PRKN: variants seen among roughly 807,000 people sequenced by gnomAD.
PRKN encodes parkin RBR E3 ubiquitin protein ligase.
In PRKN, 56 loss-of-function variants were observed where a neutral mutation model predicts 59.5. That is an observed-to-expected ratio of 0.94 (90% confidence interval 0.76 to 1.18). The LOEUF (loss-of-function observed/expected upper bound fraction) is 1.18, where lower values mean the gene tolerates loss of function less well. PRKN is among the 50% of genes most tolerant of loss of function. The pLI is 0.00. For missense variants in PRKN, 657 were observed against 596.4 expected, an observed-to-expected ratio of 1.10 and a Z score of -1.06; for synonymous variants, 250 against 222.1, an observed-to-expected ratio of 1.13 and a Z score of -1.12.
At chr6:162,439,544 T>G (rs927370470) in intron 2 of PRKN, among the ~76,000 whole-genome samples, 3 of 152,148 alleles carry the variant, frequency 2.0e-5, no homozygotes, top group African/African-American at 7.2e-5. Flanking sequence ...CTGTCCACAT[T>G]CTTCTCACTA....
chr6:162,285,266 AT>A (rs11392809), intron 2 of PRKN, among the ~76,000 whole-genome samples: 9,863 of 95,768 alleles, frequency 0.1, 589 homozygotes, highest in East Asian at 0.47. Context: ...TATTTTGGAG[AT>A]TTTTTTTTTT....
At chr6:162,262,361 C>T (rs1054951657) in intron 3 of PRKN, 164 bp downstream of exon 3, 12 of 819,442 alleles carry the variant, frequency 1.5e-5, no homozygotes, top group African/African-American at 8.3e-5. Context: ...TCAAATGTTA[C>T]ATCAAAGTAC....
intron 1 of PRKN, among the ~76,000 whole-genome samples, chr6:162,518,146 C>T (rs1001934885): frequency 1.3e-5 from 2 of 152,152 alleles, no homozygotes; most frequent in African/African-American, 4.8e-5. Context: ...ATTTATGGAA[C>T]ACTCACATGG....
At chr6:162,531,871 C>T (rs1342183700) in intron 1 of PRKN, among the ~76,000 whole-genome samples, 1 of 147,866 alleles carries the variant, frequency 6.8e-6, no homozygotes, top group Non-Finnish European at 1.5e-5. Context: ...ACCCAGGAGG[C>T]AGAGGCTGCA....
At chr6:162,227,748 AC>A (rs1409378840) in intron 3 of PRKN, among the ~76,000 whole-genome samples, 1 of 152,150 alleles carries the variant, frequency 6.6e-6, no homozygotes, top group Non-Finnish European at 1.5e-5. Flanking sequence ...TGACATAAAA[AC>A]AAAAGTGAAG....
chr6:161,587,579 T>G (rs949384010), intron 7 of PRKN, among the ~76,000 whole-genome samples: 7 of 152,192 alleles, frequency 4.6e-5, no homozygotes, highest in Non-Finnish European at 1.0e-4. Flanking sequence ...TGAAATAAGT[T>G]TGATCATTCT....
intron 9 of PRKN, among the ~76,000 whole-genome samples, chr6:161,510,091 C>T (rs1185273820): frequency 6.6e-6 from 1 of 152,090 alleles, no homozygotes; most frequent in Non-Finnish European, 1.5e-5. Context: ...TTTCTGAAGA[C>T]ATATGCATCG....
Position 161,547,037 on chromosome 6 carries a change from C to T in PRKN, c.1083+1817G>A, listed in dbSNP as rs1049507263. On this transcript the variant is annotated intron_variant, in intron 9 of 11. Coordinates refer to ENST00000366898, the MANE Select transcript of PRKN (RefSeq NM_004562.3). This position sits in a 1 kb window ranked among gnomAD's most constrained non-coding sequence, Gnocchi z 4.0. ...CTGCAAACTCAGGAGGAACCCTGAG[C>T]CAGAACTACCCAGCAAAGCCACTCA... Among the ~76,000 whole-genome samples the T allele has an allele frequency of 6.6e-6, 1 of 152,108 alleles. No homozygotes were observed. The highest frequency in any genetic ancestry group is 6.5e-5 in the Admixed American group (1 of 15,274).
intron 6 of PRKN, among the ~76,000 whole-genome samples, chr6:161,803,234 T>C (rs1296346682): frequency 6.6e-6 from 1 of 152,214 alleles, no homozygotes; most frequent in Admixed American, 6.5e-5. Context: ...TCTTTGGGTC[T>C]TCATTTCCTA....
At chr6:161,750,947 T>C (rs1004393874) in intron 7 of PRKN, among the ~76,000 whole-genome samples, 3 of 152,036 alleles carry the variant, frequency 2.0e-5, no homozygotes, top group Non-Finnish European at 4.4e-5. Flanking sequence ...GAAATAGCAA[T>C]GTGGAATAGA....
intron 2 of PRKN, among the ~76,000 whole-genome samples, chr6:162,311,954 C>T (rs1009818454): frequency 2.0e-5 from 3 of 152,070 alleles, no homozygotes; most frequent in Non-Finnish European, 2.9e-5. Context: ...CAACAAAGCA[C>T]ATAACCAAGA....
chr6:162,008,777 A>G (rs1329291664), intron 5 of PRKN, among the ~76,000 whole-genome samples: 1 of 152,188 alleles, frequency 6.6e-6, no homozygotes, highest in Non-Finnish European at 1.5e-5. Flanking sequence ...TGGCATTAGA[A>G]TAGGAATATT....
At chr6:162,644,910 C>G (rs1778106319) in intron 1 of PRKN, among the ~76,000 whole-genome samples, 2 of 152,082 alleles carry the variant, frequency 1.3e-5, no homozygotes, top group African/African-American at 4.8e-5. Flanking sequence ...AAAAAACAGT[C>G]AAGTTATTTT....
At position 161,396,437 on chromosome 6, in the gene PRKN, C is replaced by A. The variant is rs1033681493; in HGVS notation, c.1084-9560G>T. On this transcript the variant is annotated intron_variant, in intron 9 of 11. Coordinates refer to ENST00000366898, the MANE Select transcript of PRKN (RefSeq NM_004562.3). The surrounding 1 kb of genome is among the most constrained non-coding windows in gnomAD (Gnocchi z 5.4). ...TGAGCATTTCTCAGACCTTATGGAGCAGTTGGCTCCTTCTAGAACTGGAGC... is the reference window on the plus strand; with the variant it reads ...TGAGCATTTCTCAGACCTTATGGAGAAGTTGGCTCCTTCTAGAACTGGAGC... Among the ~76,000 whole-genome samples the A allele has an allele frequency of 3.3e-5, 5 of 152,182 alleles. No homozygotes were observed. Among genetic ancestry groups the A allele is most frequent in the Admixed American group, 6.5e-5 (1 of 15,278 alleles).
rs1411546032 is a variant in PRKN, at chr6:161,350,114, G to A, written c.1383C>T (p.His461=). The A allele has an allele frequency of 6.2e-7, 1 of 1,613,062 alleles. No individual in the cohort carries two copies. The highest frequency in any genetic ancestry group is 8.5e-7 in the Non-Finnish European group (1 of 1,179,434). ...CEWNRVCMGD[H]WFDV is the part of the protein sequence containing the mutation. Reference sequence around the variant, plus strand: ...GCCGCCCTGGCTACACGTCGAACCAGTGGTCCCCCATGCAGACGCGGTTCC... The same window carrying A: ...GCCGCCCTGGCTACACGTCGAACCAATGGTCCCCCATGCAGACGCGGTTCC... Residue 461 remains histidine (H), a synonymous_variant, in exon 12 of 12, where the codon CAC becomes CAT. Coordinates refer to ENST00000366898, the MANE Select transcript of PRKN (RefSeq NM_004562.3).
intron 4 of PRKN, among the ~76,000 whole-genome samples, chr6:162,181,303 C>A (rs1374721390): frequency 6.6e-6 from 1 of 152,154 alleles, no homozygotes; most frequent in Non-Finnish European, 1.5e-5. Context: ...ATCACACAAA[C>A]CATTTGCATA....
At position 161,977,541 on chromosome 6, in the gene PRKN, G is replaced by GTT. The variant is rs1562433349; in HGVS notation, c.619-4125_619-4124insAA. ...TATCTTCTCTACTTTCTGTTTTTTT[G>GTT]GTTTTTTTTTTTTTTTTTTTTTTTA... is the stretch of plus-strand genomic sequence containing the variant. On this transcript the variant is annotated intron_variant, in intron 5 of 11. Coordinates refer to ENST00000366898, the MANE Select transcript of PRKN (RefSeq NM_004562.3). 8.6e-3 allele frequency among the ~76,000 whole-genome samples: 847 copies of GTT among 98,598 alleles called. 42 individuals carry two copies. The highest frequency in any genetic ancestry group is 0.03 in the African/African-American group (643 of 21,600). 64.7% of individuals were successfully genotyped at this position (98,598 alleles called of 152,430 possible).
chr6:162,609,161 T>C (rs1782038992), intron 1 of PRKN, among the ~76,000 whole-genome samples: 1 of 152,174 alleles, frequency 6.6e-6, no homozygotes, highest in South Asian at 2.1e-4. Flanking sequence ...GAAGATAAAG[T>C]GCAGGCCCAG....
rs1458241839 is a variant in PRKN, at chr6:161,349,394, T to C, written c.*705A>G. On this transcript the variant is annotated 3_prime_UTR_variant, in exon 12 of 12. Transcript: ENST00000366898. The surrounding 1 kb of genome is among the most constrained non-coding windows in gnomAD (Gnocchi z 5.5). ...GATTTCTTCCCTGTAATTCAAACAT[T>C]CAACATTCAAATTAACTTTCATAAT... 3 of 231,408 alleles carry C rather than the reference T, an allele frequency of 1.3e-5. No homozygotes were observed. The highest frequency in any genetic ancestry group is 2.6e-5 in the Non-Finnish European group (3 of 117,060). 14.3% of individuals were successfully genotyped at this position (231,408 alleles called of 1,614,324 possible).
Sources: allele counts gnomAD v4.1 joint callset (sites outside exome capture counted in the v4.1 genomes callset), GRCh38; gene constraint gnomAD v4.1.1; non-coding constraint Gnocchi (gnomAD v3.1); transcripts MANE v1.5; gene names NCBI Gene and HGNC (gene_info 2026-07-23, HGNC 2026-07-21).